Variants in LOC128462377 observed in about 807,000 individuals in gnomAD.
chr16:89,331,082 T>C, the LOC128462377 span, among the ~76,000 whole-genome samples: 3 of 152,010 alleles, frequency 2.0e-5, no homozygotes, highest in Non-Finnish European at 4.4e-5. Context: ...GCCTCCTGAG[T>C]AGCTGGGACT....
chr16:89,383,101 G>A, the LOC128462377 span, among the ~76,000 whole-genome samples: 1 of 152,198 alleles, frequency 6.6e-6, no homozygotes, highest in Non-Finnish European at 1.5e-5. Flanking sequence ...TGTAATATAG[G>A]TTTTAAAAGC....
chr16:89,386,438 G>C, the LOC128462377 span, among the ~76,000 whole-genome samples: 1 of 152,154 alleles, frequency 6.6e-6, no homozygotes, highest in Non-Finnish European at 1.5e-5. Flanking sequence ...CCAGCCACTG[G>C]TCCCTAGCAA....
the LOC128462377 span, among the ~76,000 whole-genome samples, chr16:89,407,798 C>T: frequency 2.0e-5 from 3 of 146,618 alleles, no homozygotes; most frequent in South Asian, 2.1e-4. Context: ...TGCAATGAGC[C>T]GTGATCCGGC....
chr16:89,393,043 G>A, the LOC128462377 span, among the ~76,000 whole-genome samples: 1 of 151,932 alleles, frequency 6.6e-6, no homozygotes. Flanking sequence ...CTATGCAAAT[G>A]CTAACCCTCA....
the LOC128462377 span, among the ~76,000 whole-genome samples, chr16:89,353,159 T>C: frequency 2.0e-5 from 3 of 152,188 alleles, no homozygotes; most frequent in South Asian, 2.1e-4. Context: ...CTGGCCAATA[T>C]GGTGAAACCC....
At chr16:89,329,068 G>A in the LOC128462377 span, 6 of 152,966 alleles carry the variant, frequency 3.9e-5, no homozygotes, top group African/African-American at 1.5e-4. Flanking sequence ...GCGAATCAGC[G>A]GAGGCCCCTG....
the LOC128462377 span, among the ~76,000 whole-genome samples, chr16:89,342,031 T>A: frequency 3.2e-5 from 1 of 31,450 alleles, no homozygotes; most frequent in African/African-American, 1.1e-4. Flanking sequence ...GCACCTCCAC[T>A]GCCCACAGCG....
chr16:89,334,374 A>G, the LOC128462377 span, among the ~76,000 whole-genome samples: 11 of 151,676 alleles, frequency 7.3e-5, no homozygotes, highest in Non-Finnish European at 1.3e-4. Context: ...AACAGAAACA[A>G]CCTCCTCTCA....
the LOC128462377 span, among the ~76,000 whole-genome samples, chr16:89,384,549 T>TGGGAC: frequency 5.9e-3 from 844 of 142,206 alleles, 7 homozygotes; most frequent in African/African-American, 0.021. Flanking sequence ...TGGGATGGGA[T>TGGGAC]GGGATGGGAA....
the LOC128462377 span, among the ~76,000 whole-genome samples, chr16:89,383,273 A>T: frequency 3.7e-3 from 561 of 152,262 alleles, 11 homozygotes; most frequent in Admixed American, 0.028. Context: ...GCTCTGCCAG[A>T]AGCACTGCCA....
the LOC128462377 span, among the ~76,000 whole-genome samples, chr16:89,377,696 A>G: frequency 6.6e-6 from 1 of 152,088 alleles, no homozygotes; most frequent in South Asian, 2.1e-4. Context: ...ACCCGCTTTT[A>G]ACTTCTTGTA....
At chr16:89,356,633 T>TAAG in the LOC128462377 span, among the ~76,000 whole-genome samples, 2 of 146,200 alleles carry the variant, frequency 1.4e-5, no homozygotes, top group African/African-American at 2.5e-5. Flanking sequence ...AAAAAAAAAT[T>TAAG]AGCCAGGCGT....
At chr16:89,354,243 CAAAAAAA>C in the LOC128462377 span, among the ~76,000 whole-genome samples, 25 of 126,240 alleles carry the variant, frequency 2.0e-4, no homozygotes, top group Admixed American at 6.3e-4. Flanking sequence ...TGCATTCAGC[CAAAAAAA>C]AAAAAAAAAA....
the LOC128462377 span, among the ~76,000 whole-genome samples, chr16:89,325,984 G>A: frequency 1.3e-5 from 2 of 152,266 alleles, no homozygotes; most frequent in Non-Finnish European, 1.5e-5. Flanking sequence ...CACACTGCAG[G>A]GCACCCACTG....
chr16:89,384,879 CTTTTTTTTTTTTTTTTTT>C, the LOC128462377 span, among the ~76,000 whole-genome samples: 1 of 49,910 alleles, frequency 2.0e-5, no homozygotes, highest in Admixed American at 3.6e-4. Context: ...AAATAGTTTT[CTTTTTTTTTTTTTTTTTT>C]TTTTTTTTTT....
the LOC128462377 span, among the ~76,000 whole-genome samples, chr16:89,397,509 GCTC>G: frequency 1.3e-5 from 2 of 152,314 alleles, no homozygotes; most frequent in East Asian, 3.9e-4. Flanking sequence ...TGCTATCCGC[GCTC>G]CTTTCTGTGC....
At chr16:89,363,954 A>G in the LOC128462377 span, among the ~76,000 whole-genome samples, 1 of 152,132 alleles carries the variant, frequency 6.6e-6, no homozygotes, top group Admixed American at 6.5e-5. Context: ...CCAGCAACTC[A>G]GGAGCCTGAG....
chr16:89,393,916 A>G, the LOC128462377 span, among the ~76,000 whole-genome samples: 1 of 152,238 alleles, frequency 6.6e-6, no homozygotes, highest in South Asian at 2.1e-4. Flanking sequence ...AGTCACGAAG[A>G]AAGTGCTTGT....
chr16:89,335,080 G>A, the LOC128462377 span, among the ~76,000 whole-genome samples: 1 of 152,122 alleles, frequency 6.6e-6, no homozygotes, highest in East Asian at 1.9e-4. Context: ...AATAAAAAAC[G>A]ACTAACACTG....
Sources: gnomAD v4.1 joint callset for allele counts (sites outside exome capture counted in the v4.1 genomes callset) on GRCh38, gnomAD v4.1.1 for gene constraint, MANE v1.5 for transcripts.